The following PALM variants were observed in gnomAD, a reference collection of about 807,000 sequenced individuals.
PALM encodes the protein paralemmin.
PALM carries 18 observed loss-of-function variants against 30.7 expected under a neutral mutation model. The observed-to-expected ratio is 0.59, with a 90% CI of 0.41 to 0.87. PALM has a LOEUF of 0.87. PALM is among the 40% of genes least tolerant of loss of function. The pLI is 0.00. For missense variants in PALM, 529 were observed against 555.4 expected (o/e 0.95, Z 0.48); for synonymous variants, 286 against 242.8 (o/e 1.18, Z -1.66).
intron 1 of PALM, among the ~76,000 whole-genome samples, chr19:716,716 A>G (rs1331287062): frequency 1.3e-5 from 2 of 152,294 alleles, no homozygotes. Context: ...TCAGCACTCC[A>G]TGGGGGTTGG....
At chr19:711,304 G>A in intron 1 of PALM, 1 of 487,962 alleles carries the variant, frequency 2.0e-6, no homozygotes, top group Non-Finnish European at 2.7e-6. Context: ...TGGTCTGGCT[G>A]GTAAAATAAA....
In PALM at chr19:736,008, C is replaced by A. The variant is rs1413428606; in HGVS notation, c.443-11C>A. 1.9e-6 allele frequency: 3 copies of A among 1,606,984 alleles called. No individual in the cohort carries two copies. The highest frequency in any genetic ancestry group is 2.6e-6 in the Non-Finnish European group (3 of 1,176,288). On this transcript the variant is annotated splice_polypyrimidine_tract_variant and intron_variant, in intron 6 of 8. Transcript: ENST00000338448. ...CCCTCATCTCTCTCTCCGCTTCCAC[C>A]TCCCGTGCAGACAAGCGAGTCTCCA...
chr19:746,203 T>G lies in PALM; in HGVS notation c.635-82T>G. 3 of 1,084,742 alleles carry G rather than the reference T, an allele frequency of 2.8e-6. No individual in the cohort carries two copies. Among genetic ancestry groups the G allele is most frequent in the Non-Finnish European group, 4.1e-6 (3 of 729,014 alleles). 67.2% of individuals were successfully genotyped at this position (1,084,742 alleles called of 1,614,324 possible). A position where few individuals can be genotyped will look rare whatever the true frequency, so the allele number is the denominator to read the frequency against. ...GAGGAGGATACAAGCCTTGCCAAGG[T>G]TTCCCTCCTGCCTGAGCCAGGTCAC... is the stretch of plus-strand genomic sequence containing the variant. On this transcript the variant is annotated intron_variant, in intron 8 of 8. Transcript: ENST00000338448. The surrounding 1 kb of genome is among the most constrained non-coding windows in gnomAD (Gnocchi z 7.1).
intron 3 of PALM, 118 bp from the exon 4 acceptor site, chr19:727,446 G>T: frequency 1.3e-6 from 1 of 780,350 alleles, no homozygotes. Context: ...CCATAACCCT[G>T]ACCCCAACCT....
intron 1 of PALM, among the ~76,000 whole-genome samples, chr19:720,644 G>A (rs1396498161): frequency 2.8e-5 from 4 of 143,770 alleles, no homozygotes; most frequent in East Asian, 2.3e-4. Flanking sequence ...GACTGCGGGG[G>A]CCAGGGGGGC....
chr19:734,679 C>T (rs1399812571), intron 6 of PALM: 1 of 167,012 alleles, frequency 6.0e-6, no homozygotes, highest in Non-Finnish European at 1.3e-5. Flanking sequence ...AACCCCGTCT[C>T]TACTAAAAAT....
rs1313487541 is a variant in PALM, at chr19:746,672, C to T, written c.1022C>T (p.Ala341Val). 3.1e-6 allele frequency: 5 copies of T among 1,611,384 alleles called. No individual in the cohort carries two copies. Among genetic ancestry groups the T allele is most frequent in the East Asian group, 2.2e-5 (1 of 44,814 alleles). ...GACGCGGCTGAGCCCAAGGAGCCTGCACCACCCAACGGCAGTGCTGCCGAG... is the reference window on the plus strand; with the variant it reads ...GACGCGGCTGAGCCCAAGGAGCCTGTACCACCCAACGGCAGTGCTGCCGAG... ...IEDAAEPKEP[A>V]PPNGSAAEPP... Residue 341 changes from alanine to valine, a missense_variant, in exon 9 of 9, where the codon GCA (alanine) becomes GTA (valine). Coordinates refer to ENST00000338448, the MANE Select transcript of PALM (RefSeq NM_002579.3). The surrounding 1 kb of genome is among the most constrained non-coding windows in gnomAD (Gnocchi z 7.1).
chr19:733,973 C>T (rs1035677634), intron 5 of PALM, among the ~76,000 whole-genome samples, 200 bp from the exon 6 acceptor site: 5 of 152,134 alleles, frequency 3.3e-5, no homozygotes, highest in South Asian at 2.1e-4. Flanking sequence ...GCGACAAGAG[C>T]GAAACTCCAT....
intron 5 of PALM, among the ~76,000 whole-genome samples, chr19:733,281 G>A (rs1263997593): frequency 2.0e-5 from 3 of 152,152 alleles, no homozygotes; most frequent in Non-Finnish European, 4.4e-5. Flanking sequence ...TTCCCTGAAG[G>A]TTGTTTGAGC....
chr19:710,963 A>T (rs1203077164), intron 1 of PALM, among the ~76,000 whole-genome samples: 7 of 152,214 alleles, frequency 4.6e-5, no homozygotes. Context: ...TCAGGCACGA[A>T]GGCCCCGTCC....
At chr19:743,943 ACCGTGGC>A (rs1230402857) in intron 8 of PALM, among the ~76,000 whole-genome samples, 2 of 152,244 alleles carry the variant, frequency 1.3e-5, no homozygotes, top group Non-Finnish European at 2.9e-5. Flanking sequence ...GAAAGTGACC[ACCGTGGC>A]CCAGGCTGCC....
At chr19:730,630 C>T (rs1038668356) in intron 4 of PALM, among the ~76,000 whole-genome samples, 2 of 152,196 alleles carry the variant, frequency 1.3e-5, no homozygotes, top group African/African-American at 4.8e-5. Flanking sequence ...GGCCATGTGG[C>T]TTTTGCACTC....
chr19:737,744 A>C (rs1191783993), intron 7 of PALM, among the ~76,000 whole-genome samples: 1 of 152,034 alleles, frequency 6.6e-6, no homozygotes, highest in Middle Eastern at 3.2e-3. Flanking sequence ...GGGGTGTTGG[A>C]GGAACGGCCA....
chr19:726,316 G>T, intron 2 of PALM, 127 bp downstream of exon 2: 1 of 729,026 alleles, frequency 1.4e-6, no homozygotes, highest in Non-Finnish European at 2.3e-6. Context: ...TATTTGCTTG[G>T]GAAACTTGGA....
chr19:738,006 G>A (rs1048761707), intron 7 of PALM, among the ~76,000 whole-genome samples: 6 of 152,150 alleles, frequency 3.9e-5, no homozygotes, highest in Non-Finnish European at 7.4e-5. Context: ...TGCTGGGGGA[G>A]GAGGCTGGGA....
At position 709,919 on chromosome 19, in the gene PALM, G is replaced by A. The variant is rs755545565; in HGVS notation, c.5+768G>A. Among the ~76,000 whole-genome samples, 1 of 152,156 alleles carries A rather than the reference G, an allele frequency of 6.6e-6. No individual in the cohort carries two copies. The highest frequency in any genetic ancestry group is 6.5e-5 in the Admixed American group (1 of 15,286). On this transcript the variant is annotated intron_variant, in intron 1 of 8. Coordinates refer to ENST00000338448, the MANE Select transcript of PALM (RefSeq NM_002579.3). This position sits in a 1 kb window ranked among gnomAD's most constrained non-coding sequence, Gnocchi z 4.3. ...GGCTGCGCCTGTGTGTGTGGGGGGGGGGTGGCCAGTGGAGGCACCGAGCGA... is the reference window on the plus strand; with the variant it reads ...GGCTGCGCCTGTGTGTGTGGGGGGGAGGTGGCCAGTGGAGGCACCGAGCGA...
intron 5 of PALM, among the ~76,000 whole-genome samples, chr19:731,862 A>G (rs2032889926): frequency 6.6e-6 from 1 of 150,988 alleles, no homozygotes; most frequent in South Asian, 2.1e-4. Context: ...AGGTTTCCCC[A>G]TGTTGGCCAG....
intron 7 of PALM, among the ~76,000 whole-genome samples, chr19:736,736 G>A (rs1005744936): frequency 6.6e-6 from 1 of 152,226 alleles, no homozygotes; most frequent in Non-Finnish European, 1.5e-5. Flanking sequence ...TGCTATGTGA[G>A]TGAGCTGGAA....
In PALM at chr19:731,261, G is replaced by C. The variant is rs760528392; in HGVS notation, c.420+16G>C. Reference sequence around the variant, plus strand: ...TTCACAGCAGGTAAGGGGGTGACTGGGGGGAGCGGATCCCCAGGCACCCAC... The same window carrying C: ...TTCACAGCAGGTAAGGGGGTGACTGCGGGGAGCGGATCCCCAGGCACCCAC... On this transcript the variant is annotated intron_variant, in intron 5 of 8. Coordinates refer to ENST00000338448, the MANE Select transcript of PALM (RefSeq NM_002579.3). 2 of 1,591,432 alleles carry C rather than the reference G, an allele frequency of 1.3e-6. No homozygotes were observed. Among genetic ancestry groups the C allele is most frequent in the South Asian group, 1.1e-5 (1 of 88,338 alleles).
Sources: allele counts gnomAD v4.1 joint callset (sites outside exome capture counted in the v4.1 genomes callset), GRCh38; gene constraint gnomAD v4.1.1; non-coding constraint Gnocchi (gnomAD v3.1); transcripts MANE v1.5; gene names NCBI Gene and HGNC (gene_info 2026-07-23, HGNC 2026-07-21).